Variants in NTNG2 observed in about 807,000 individuals in gnomAD.
NTNG2 encodes netrin G2, also known as netrin-G2.
NTNG2 carries 15 observed loss-of-function variants against 47.6 expected under a neutral mutation model. The ratio of observed to expected loss-of-function variants is 0.32; its 90% CI spans 0.21 to 0.49. NTNG2 has a LOEUF of 0.49. Ranked by LOEUF, NTNG2 falls within the 20% of genes least tolerant of loss-of-function variation. The probability of loss-of-function intolerance (pLI) is 0.99; values close to 1 mark genes in which losing one functional copy is unlikely to be tolerated. For missense variants in NTNG2, 578 were observed against 764.6 expected (o/e 0.76, Z 2.88); for synonymous variants, 307 against 324.6 (o/e 0.95, Z 0.58).
rs1161780476 is a variant in NTNG2, at chr9:132,163,141, G to T, written c.-484+902G>T. 1.3e-5 allele frequency among the ~76,000 whole-genome samples: 2 copies of T among 152,164 alleles called. No homozygotes were observed. Among genetic ancestry groups the T allele is most frequent in the Admixed American group, 6.5e-5 (1 of 15,286 alleles). ...TCAGTCCCGGCCGGGCCTTTATTACGGGCTTAATTATTAATTGCTGCCGTG... is the reference window on the plus strand; with the variant it reads ...TCAGTCCCGGCCGGGCCTTTATTACTGGCTTAATTATTAATTGCTGCCGTG... On this transcript the variant is annotated intron_variant, in intron 1 of 7. Transcript: ENST00000393229. This position sits in a 1 kb window ranked among gnomAD's most constrained non-coding sequence, Gnocchi z 7.2.
upstream of NTNG2, chr9:132,161,857 C>T (rs932107719): frequency 5.3e-5 from 8 of 150,174 alleles, no homozygotes; most frequent in African/African-American, 2.0e-4. This position sits in a 1 kb window ranked among gnomAD's most constrained non-coding sequence, Gnocchi z 7.2. Context: ...GAAGCCCACC[C>T]GGGCCGGGGG....
intron 3 of NTNG2, among the ~76,000 whole-genome samples, chr9:132,217,942 C>T (rs1564427678): frequency 1.3e-5 from 2 of 152,226 alleles, no homozygotes; most frequent in African/African-American, 2.4e-5. Context: ...TTGTTTCACC[C>T]CAACCGTGAT....
chr9:132,229,955 G>A (rs1483757786), intron 4 of NTNG2, among the ~76,000 whole-genome samples: 1 of 152,236 alleles, frequency 6.6e-6, no homozygotes, highest in African/African-American at 2.4e-5. Context: ...ATTCAGGTCA[G>A]GCCTCGCCCA....
At chr9:132,196,253 C>A (rs1418599207) in intron 2 of NTNG2, among the ~76,000 whole-genome samples, 1 of 152,328 alleles carries the variant, frequency 6.6e-6, no homozygotes, top group South Asian at 2.1e-4. Flanking sequence ...TGCAATGGCA[C>A]GATCTCGGCT....
chr9:132,193,582 G>A (rs1475633310), intron 2 of NTNG2, among the ~76,000 whole-genome samples: 2 of 152,146 alleles, frequency 1.3e-5, no homozygotes, highest in East Asian at 1.9e-4. Flanking sequence ...GCAGTGTGAC[G>A]CCACTTGGTG....
Position 132,198,194 on chromosome 9 carries a change from G to A in NTNG2, c.442G>A (p.Val148Ile), listed in dbSNP as rs1838463098. The change falls in exon 3 of 8, where the codon GTC becomes ATC. Residue 148 changes from valine to isoleucine, a missense_variant. Transcript: ENST00000393229. Reference protein sequence around the residue: ...VMTFEYGRPTVMVLEKSLDNG... With the variant: ...VMTFEYGRPTIMVLEKSLDNG... Reference sequence around the variant, plus strand: ...GACCTTCGAGTACGGCCGGCCCACGGTCATGGTCCTGGAGAAGTCCCTGGA... The same window carrying A: ...GACCTTCGAGTACGGCCGGCCCACGATCATGGTCCTGGAGAAGTCCCTGGA... 3.1e-6 allele frequency: 5 copies of A among 1,613,510 alleles called. No individual in the cohort carries two copies. The highest frequency in any genetic ancestry group is 1.3e-5 in the African/African-American group (1 of 75,060).
At chr9:132,183,388 G>A (rs571161630) in intron 2 of NTNG2, among the ~76,000 whole-genome samples, 22 of 152,158 alleles carry the variant, frequency 1.4e-4, no homozygotes, top group African/African-American at 3.4e-4. Context: ...GCGTGCATGC[G>A]TTAACCCATT....
At chr9:132,169,087 TG>T (rs1835701606) in intron 2 of NTNG2, among the ~76,000 whole-genome samples, 1 of 152,216 alleles carries the variant, frequency 6.6e-6, no homozygotes, top group African/African-American at 2.4e-5. Context: ...CCTCAAGCCC[TG>T]GGGTCTAGAA....
intron 2 of NTNG2, among the ~76,000 whole-genome samples, chr9:132,188,992 A>G (rs1837625995): frequency 6.6e-6 from 1 of 151,868 alleles, no homozygotes; most frequent in African/African-American, 2.4e-5. Context: ...GGCCCATCAT[A>G]ACAGACAGAT....
At chr9:132,206,871 C>A (rs1456213100) in intron 3 of NTNG2, among the ~76,000 whole-genome samples, 3 of 152,208 alleles carry the variant, frequency 2.0e-5, no homozygotes, top group Non-Finnish European at 4.4e-5. Flanking sequence ...TGGGAAGGGG[C>A]CAGACTATGC....
intron 2 of NTNG2, among the ~76,000 whole-genome samples, chr9:132,187,580 AGAG>A: frequency 6.9e-6 from 1 of 144,154 alleles, no homozygotes; most frequent in Non-Finnish European, 1.5e-5. Flanking sequence ...AGAGAGAGAG[AGAG>A]AGAGAGAGAG....
Position 132,162,278 on chromosome 9 carries a change from G to A in NTNG2, c.-484+39G>A, listed in dbSNP as rs1452354220. 1 of 152,202 alleles carries A rather than the reference G, an allele frequency of 6.6e-6. No homozygotes were observed. Among genetic ancestry groups the A allele is most frequent in the Non-Finnish European group, 1.5e-5 (1 of 68,034 alleles). 9.4% of individuals were successfully genotyped at this position (152,202 alleles called of 1,614,324 possible). ...GGAGAGCCCGGGAGGCGGGCGGGGG[G>A]AGAGGCTGCAGCTTGGCCAGGCCGG... On this transcript the variant is annotated intron_variant, in intron 1 of 7. Transcript: ENST00000393229. This position sits in a 1 kb window ranked among gnomAD's most constrained non-coding sequence, Gnocchi z 4.6.
intron 2 of NTNG2, among the ~76,000 whole-genome samples, chr9:132,168,554 A>AGAGG (rs1461640307): frequency 2.0e-5 from 3 of 151,728 alleles, no homozygotes; most frequent in Non-Finnish European, 4.4e-5. Flanking sequence ...GGGGAGAGAG[A>AGAGG]GAGGGAGGGA....
rs1838567969 is a variant in NTNG2, at chr9:132,199,332, CA to C, written c.857+726del. On this transcript the variant is annotated intron_variant, in intron 3 of 7. Transcript: ENST00000393229. The stretch of plus-strand genomic sequence containing the variant: ...CACTAGAAAATCTCACAGAACTCAG[CA>C]AAGCTGCTATATTCACAGTTATGGT... Among the ~76,000 whole-genome samples, 3 of 152,146 alleles carry C rather than the reference CA, an allele frequency of 2.0e-5. No individual in the cohort carries two copies. In the South Asian group the frequency reaches 6.2e-4, roughly 32 times the overall value.
At chr9:132,198,639 C>A in intron 3 of NTNG2, 30 bp downstream of exon 3, 1 of 1,587,432 alleles carries the variant, frequency 6.3e-7, no homozygotes, top group Non-Finnish European at 8.6e-7. Flanking sequence ...TGGATGTCAC[C>A]TGCAACCTGG....
At position 132,207,744 on chromosome 9, in the gene NTNG2, G is replaced by A. The variant is rs73561596; in HGVS notation, c.857+9135G>A. Among the ~76,000 whole-genome samples the A allele has an allele frequency of 4.8e-3, 730 of 152,240 alleles. 6 individuals carry two copies. The highest frequency in any genetic ancestry group is 0.016 in the African/African-American group (682 of 41,490). On this transcript the variant is annotated intron_variant, in intron 3 of 7. Transcript: ENST00000393229. ...AGAGCATGGAGGGGCTGACGCTCCC[G>A]TAGTGGGAGAGCAGAAATCAACAAA...
rs749756559 is a variant in NTNG2 at position 132,189,068 on chromosome 9, CTTTTTTTT to C, written c.214-8878_214-8871del. On this transcript the variant is annotated intron_variant, in intron 2 of 7. Coordinates refer to ENST00000393229, the MANE Select transcript of NTNG2 (RefSeq NM_032536.4). ...TATGTGAAAAAGGCTTTAAGCCTTTCTTTTTTTTTTTTTTTTTTTTTTTTTTTAGACAG... is the reference window on the plus strand; with the variant it reads ...TATGTGAAAAAGGCTTTAAGCCTTTCTTTTTTTTTTTTTTTTTTTAGACAG... Among the ~76,000 whole-genome samples, 66 of 93,280 alleles carry C rather than the reference CTTTTTTTT, an allele frequency of 7.1e-4. 8 individuals carry two copies. Among genetic ancestry groups the C allele is most frequent in the Middle Eastern group, 6.7e-3 (1 of 150 alleles). 61.2% of individuals were successfully genotyped at this position (93,280 alleles called of 152,430 possible). A position where few individuals can be genotyped will look rare whatever the true frequency, so the allele number is the denominator to read the frequency against.
intron 3 of NTNG2, among the ~76,000 whole-genome samples, chr9:132,203,551 C>A (rs1471190732): frequency 1.3e-5 from 2 of 152,126 alleles, no homozygotes; most frequent in Non-Finnish European, 1.5e-5. Flanking sequence ...TATGTAAAGT[C>A]TCTTGCTTTC....
rs998314347 is a variant in NTNG2 at position 132,222,298 on chromosome 9, T to G, written c.858-4551T>G. On this transcript the variant is annotated intron_variant, in intron 3 of 7. Coordinates refer to ENST00000393229, the MANE Select transcript of NTNG2 (RefSeq NM_032536.4). The stretch of plus-strand genomic sequence containing the variant: ...AGGACCATCTCTGGGATCTGGCATC[T>G]CCAGAAAGAAGGGCCGCCCGTACCA... Among the ~76,000 whole-genome samples, 3 of 152,262 alleles carry G rather than the reference T, an allele frequency of 2.0e-5. 1 individual carries two copies. Among genetic ancestry groups the G allele is most frequent in the Non-Finnish European group, 4.4e-5 (3 of 68,018 alleles).
Sources: gnomAD v4.1 joint callset for allele counts (sites outside exome capture counted in the v4.1 genomes callset) on GRCh38, gnomAD v4.1.1 for gene constraint, Gnocchi (gnomAD v3.1) non-coding constraint, MANE v1.5 for transcripts, NCBI Gene and HGNC (gene_info 2026-07-23, HGNC 2026-07-21) for gene names.